Variants in STT3B observed in about 807,000 individuals in gnomAD.
STT3B encodes dolichyl-diphosphooligosaccharide--protein glycosyltransferase subunit STT3B.
In STT3B, 29 loss-of-function variants were observed where a neutral mutation model predicts 96.8. The ratio of observed to expected loss-of-function variants is 0.30; its 90% CI spans 0.22 to 0.41. The LOEUF (loss-of-function observed/expected upper bound fraction) is 0.41. STT3B is among the 10% of genes least tolerant of loss of function. The pLI, the probability that STT3B is intolerant of heterozygous loss-of-function variation, is 1.00. For missense variants in STT3B, 640 were observed against 1,022.3 expected, an observed-to-expected ratio of 0.63 and a Z score of 5.10; for synonymous variants, 367 against 360.0, an observed-to-expected ratio of 1.02 and a Z score of -0.22.
Position 31,593,537 on chromosome 3 carries a change from CTGTCTTTGT to C in STT3B, c.712-3260_712-3252del. ...TGTTTCTTTAAATGTTTTTATCTGT[CTGTCTTTGT>C]AGCCTCTCCTTTTTTGAACTTTGTT... On this transcript the variant is annotated intron_variant, in intron 3 of 15. Transcript: ENST00000295770. Among the ~76,000 whole-genome samples, 2 of 152,178 alleles carry C rather than the reference CTGTCTTTGT, an allele frequency of 1.3e-5. 1 individual carries two copies. The highest frequency in any genetic ancestry group is 6.8e-3 in the Middle Eastern group (2 of 292).
At chr3:31,632,666 TG>T (rs201478389) in intron 14 of STT3B, among the ~76,000 whole-genome samples, 1 of 80,218 alleles carries the variant, frequency 1.2e-5, no homozygotes, top group South Asian at 5.1e-4. Context: ...TATGTTTTGG[TG>T]GGTTTTTTTT....
intron 4 of STT3B, among the ~76,000 whole-genome samples, chr3:31,598,916 T>C (rs1278117645): frequency 6.6e-6 from 1 of 152,026 alleles, no homozygotes; most frequent in African/African-American, 2.4e-5. Flanking sequence ...TTCAAGCGAT[T>C]CTCCTGCCTC....
chr3:31,634,270 C>A (rs1296066195), intron 15 of STT3B, among the ~76,000 whole-genome samples: 9 of 152,144 alleles, frequency 5.9e-5, no homozygotes, highest in Admixed American at 5.9e-4. Flanking sequence ...TGCTGCTATT[C>A]TCAAAGCAGT....
intron 5 of STT3B, among the ~76,000 whole-genome samples, chr3:31,606,355 C>G (rs1385534194): frequency 2.6e-5 from 4 of 152,198 alleles, no homozygotes; most frequent in African/African-American, 9.6e-5. Context: ...AGCAGCCCCT[C>G]CCATCATAGG....
chr3:31,572,411 A>G (rs1698180917), intron 1 of STT3B, among the ~76,000 whole-genome samples: 1 of 151,770 alleles, frequency 6.6e-6, no homozygotes, highest in South Asian at 2.1e-4. Flanking sequence ...AATTTTGTGA[A>G]CCAAAACAAA....
At chr3:31,536,477 A>G (rs1488905634) in intron 1 of STT3B, among the ~76,000 whole-genome samples, 3 of 152,180 alleles carry the variant, frequency 2.0e-5, no homozygotes, top group African/African-American at 4.8e-5. Context: ...CATTTCTGCA[A>G]GTCGTTTTAG....
rs140539862 is a variant in STT3B at position 31,606,916 on chromosome 3, G to A, written c.877+6457G>A. ...CCTGTAAAGCCACAGGGGCAGAGCT[G>A]CCCAAGACCATGGAAACCCACCTCT... On this transcript the variant is annotated intron_variant, in intron 5 of 15. Coordinates refer to ENST00000295770, the MANE Select transcript of STT3B (RefSeq NM_178862.3). 3.2e-4 allele frequency among the ~76,000 whole-genome samples: 48 copies of A among 152,336 alleles called. 1 individual carries two copies. Among genetic ancestry groups the A allele is most frequent in the Middle Eastern group, 6.8e-3 (2 of 294 alleles).
chr3:31,626,909 T>C (rs988305758), intron 13 of STT3B, among the ~76,000 whole-genome samples: 2 of 152,168 alleles, frequency 1.3e-5, no homozygotes, highest in Non-Finnish European at 2.9e-5. Context: ...GTCTTGTTCT[T>C]CTGCCACCTT....
chr3:31,536,616 C>CA (rs1697105187), intron 1 of STT3B, among the ~76,000 whole-genome samples: 5 of 152,130 alleles, frequency 3.3e-5, no homozygotes, highest in Non-Finnish European at 7.3e-5. Flanking sequence ...ATTTGTCACC[C>CA]AAGTTATTTA....
intron 1 of STT3B, 200 bp downstream of exon 1, chr3:31,533,512 G>A: frequency 3.6e-6 from 2 of 558,502 alleles, no homozygotes; most frequent in Non-Finnish European, 5.2e-6. Flanking sequence ...AGCCTGAGGC[G>A]GGGCGTCGGG....
intron 14 of STT3B, among the ~76,000 whole-genome samples, chr3:31,632,263 C>T (rs1465030999): frequency 6.6e-6 from 1 of 152,118 alleles, no homozygotes; most frequent in South Asian, 2.1e-4. Context: ...TTGTAGTTCC[C>T]ACTTTCAGAA....
At chr3:31,576,673 C>A (rs1479559234) in intron 2 of STT3B, among the ~76,000 whole-genome samples, 169 bp downstream of exon 2, 1 of 152,116 alleles carries the variant, frequency 6.6e-6, no homozygotes, top group Non-Finnish European at 1.5e-5. Context: ...TTGATACCTC[C>A]TCCCCTTAAT....
At chr3:31,595,132 C>G (rs990192329) in intron 3 of STT3B, among the ~76,000 whole-genome samples, 1 of 152,184 alleles carries the variant, frequency 6.6e-6, no homozygotes, top group African/African-American at 2.4e-5. Context: ...CTTGGCCTCT[C>G]TGTGCAGCAT....
chr3:31,553,049 T>G (rs1281324261), intron 1 of STT3B, among the ~76,000 whole-genome samples: 1 of 142,062 alleles, frequency 7.0e-6, no homozygotes, highest in African/African-American at 2.7e-5. Context: ...TTGCAGTGAG[T>G]CGAGATCGCG....
intron 5 of STT3B, among the ~76,000 whole-genome samples, chr3:31,606,178 A>G (rs1466356364): frequency 6.6e-6 from 1 of 152,242 alleles, no homozygotes; most frequent in African/African-American, 2.4e-5. Context: ...GAAACAGAGC[A>G]TAAAAGTTTG....
intron 1 of STT3B, among the ~76,000 whole-genome samples, chr3:31,550,495 A>G (rs577768040): frequency 1.3e-5 from 2 of 152,218 alleles, no homozygotes; most frequent in Admixed American, 6.5e-5. Flanking sequence ...GCAACTGTAC[A>G]GTGTCACATT....
At position 31,571,283 on chromosome 3, in the gene STT3B, A is replaced by ATTT. The variant is rs112096800; in HGVS notation, c.315-5101_315-5099dup. ...AAAGTGTTACTGGAAAGCCTCATGCATTTTTTTTTTTTTTGGAAGAGGAGG... is the reference window on the plus strand; with the variant it reads ...AAAGTGTTACTGGAAAGCCTCATGCATTTTTTTTTTTTTTTTTGGAAGAGGAGG... On this transcript the variant is annotated intron_variant, in intron 1 of 15. Transcript: ENST00000295770. Among the ~76,000 whole-genome samples, 163 of 143,612 alleles carry ATTT rather than the reference A, an allele frequency of 1.1e-3. 1 individual carries two copies. The highest frequency in any genetic ancestry group is 2.6e-3 in the South Asian group (12 of 4,544). 94.2% of individuals were successfully genotyped at this position (143,612 alleles called of 152,430 possible). A position where few individuals can be genotyped will look rare whatever the true frequency, so the allele number is the denominator to read the frequency against.
intron 1 of STT3B, among the ~76,000 whole-genome samples, chr3:31,535,676 T>C (rs1398914356): frequency 6.6e-6 from 1 of 152,158 alleles, no homozygotes; most frequent in Admixed American, 6.5e-5. Context: ...TGAGCCGAGA[T>C]CGCGCCACTG....
intron 1 of STT3B, among the ~76,000 whole-genome samples, chr3:31,558,135 T>C (rs185217575): frequency 1.4e-4 from 22 of 152,264 alleles, no homozygotes; most frequent in African/African-American, 4.6e-4. Flanking sequence ...AGTGGGACAG[T>C]TTAGCTTTCT....
Sources: allele counts gnomAD v4.1 joint callset (sites outside exome capture counted in the v4.1 genomes callset), GRCh38; gene constraint gnomAD v4.1.1; transcripts MANE v1.5; gene names NCBI Gene and HGNC (gene_info 2026-07-23, HGNC 2026-07-21).